Variants in FOXO3 observed in about 807,000 individuals in gnomAD.
FOXO3 encodes forkhead box O3.
FOXO3 carries 4 observed loss-of-function variants against 41.9 expected under a neutral mutation model. The ratio of observed to expected loss-of-function variants is 0.10; its 90% CI spans 0.05 to 0.22. The LOEUF (loss-of-function observed/expected upper bound fraction) is 0.22, where lower values mean the gene tolerates loss of function less well. Ranked by LOEUF, FOXO3 falls within the 10% of genes least tolerant of loss-of-function variation. The pLI, the probability that FOXO3 is intolerant of heterozygous loss-of-function variation, is 1.00. For missense variants in FOXO3, 534 were observed against 906.8 expected (o/e 0.59, Z 5.28); for synonymous variants, 318 against 389.3 (o/e 0.82, Z 2.16).
chr6:108,654,307 A>G (rs946582770), intron 1 of FOXO3, among the ~76,000 whole-genome samples: 1 of 152,208 alleles, frequency 6.6e-6, no homozygotes, highest in Non-Finnish European at 1.5e-5. Flanking sequence ...AAAAGAAAAA[A>G]TAATAATAAT....
chr6:108,608,969 G>A (rs185839346), intron 1 of FOXO3, among the ~76,000 whole-genome samples: 36 of 152,268 alleles, frequency 2.4e-4, no homozygotes, highest in Non-Finnish European at 3.8e-4. Context: ...TTTTGTTAAC[G>A]CTGAGGTTGC....
chr6:108,598,411 A>G (rs1776948289), intron 1 of FOXO3, among the ~76,000 whole-genome samples: 3 of 152,148 alleles, frequency 2.0e-5, no homozygotes, highest in African/African-American at 4.8e-5. Context: ...GGGATTACCA[A>G]GCAGTTGCTG....
At position 108,561,151 on chromosome 6, in the gene FOXO3, C is replaced by A. The variant is rs1474880874; in HGVS notation, c.-58C>A. Reference sequence around the variant, plus strand: ...TCCACGTCCCTCCCCCGCTGCACCCCGCCCCGGCGCGAGAGGAGAGCGCGA... The same window carrying A: ...TCCACGTCCCTCCCCCGCTGCACCCAGCCCCGGCGCGAGAGGAGAGCGCGA... On this transcript the variant is annotated 5_prime_UTR_variant, in exon 1 of 3. Coordinates refer to ENST00000406360, the MANE Select transcript of FOXO3 (RefSeq NM_001455.4). 1.1e-5 allele frequency: 17 copies of A among 1,493,746 alleles called. No homozygotes were observed. Among genetic ancestry groups the A allele is most frequent in the Non-Finnish European group, 1.5e-5 (17 of 1,126,986 alleles). The allele number at this position is 1,493,746 out of a possible 1,614,324, so 92.5% of individuals were successfully genotyped here. A position where few individuals can be genotyped will look rare whatever the true frequency, so the allele number is the denominator to read the frequency against.
intron 2 of FOXO3, among the ~76,000 whole-genome samples, chr6:108,679,531 C>A (rs559527344): frequency 6.6e-6 from 1 of 152,252 alleles, no homozygotes; most frequent in Non-Finnish European, 1.5e-5. Context: ...CACCAAAACA[C>A]CCCTAATATG....
At chr6:108,605,058 GAGATAAATGA>G (rs368266667) in intron 1 of FOXO3, among the ~76,000 whole-genome samples, 44 of 152,136 alleles carry the variant, frequency 2.9e-4, no homozygotes, top group African/African-American at 1.0e-3. Context: ...CTTTTTAGTT[GAGATAAATGA>G]AGTTCATAGT....
intron 1 of FOXO3, among the ~76,000 whole-genome samples, chr6:108,568,934 A>G (rs1303599495): frequency 6.6e-6 from 1 of 152,234 alleles, no homozygotes; most frequent in Non-Finnish European, 1.5e-5. Context: ...TTGTTGCATT[A>G]AGAGAAAAAG....
chr6:108,607,679 C>T (rs1382664379), intron 1 of FOXO3, among the ~76,000 whole-genome samples: 1 of 152,068 alleles, frequency 6.6e-6, no homozygotes, highest in Non-Finnish European at 1.5e-5. Context: ...ATTTTTCTGC[C>T]AGCTGACATG....
chr6:108,639,800 C>T (rs4946931), intron 1 of FOXO3, among the ~76,000 whole-genome samples: 152,372 of 152,378 alleles, frequency 1, 76,183 homozygotes, highest in Middle Eastern at 1. Context: ...ATTGTGGTTT[C>T]GGCTGGTCCT....
chr6:108,568,743 C>T (rs764123742), intron 1 of FOXO3, among the ~76,000 whole-genome samples: 10 of 152,140 alleles, frequency 6.6e-5, no homozygotes, highest in Admixed American at 1.3e-4. Context: ...CTGAAGGTGG[C>T]ATCAGCTTTA....
chr6:108,635,648 A>G (rs1478802217), intron 1 of FOXO3, among the ~76,000 whole-genome samples: 1 of 152,150 alleles, frequency 6.6e-6, no homozygotes, highest in East Asian at 1.9e-4. Flanking sequence ...TCTGCTAGAG[A>G]GGCACATCCT....
At chr6:108,643,244 T>C (rs924785502) in intron 1 of FOXO3, among the ~76,000 whole-genome samples, 2 of 152,244 alleles carry the variant, frequency 1.3e-5, no homozygotes, top group African/African-American at 2.4e-5. Context: ...GTAATTTTAC[T>C]GTGTAAACAA....
intron 1 of FOXO3, among the ~76,000 whole-genome samples, chr6:108,615,491 T>C (rs1022157637): frequency 2.0e-5 from 3 of 152,046 alleles, no homozygotes; most frequent in African/African-American, 7.2e-5. Flanking sequence ...TTTTTTCTTC[T>C]GCCGCTTTTA....
At chr6:108,651,623 A>C (rs1327599184) in intron 1 of FOXO3, among the ~76,000 whole-genome samples, 1 of 152,222 alleles carries the variant, frequency 6.6e-6, no homozygotes, top group Non-Finnish European at 1.5e-5. Context: ...AAGGGATTGT[A>C]AACTAAGAAC....
intron 2 of FOXO3, among the ~76,000 whole-genome samples, chr6:108,676,438 TGC>T (rs1402683301): frequency 6.6e-6 from 1 of 152,170 alleles, no homozygotes; most frequent in Non-Finnish European, 1.5e-5. Flanking sequence ...GACGGGGTTT[TGC>T]CATGTTGCCC....
intron 1 of FOXO3, among the ~76,000 whole-genome samples, chr6:108,562,114 T>C (rs1374867599): frequency 1.3e-5 from 2 of 151,582 alleles, no homozygotes; most frequent in Non-Finnish European, 2.9e-5. Flanking sequence ...AGGAGTACAT[T>C]TGCTGGATTC....
intron 1 of FOXO3, among the ~76,000 whole-genome samples, chr6:108,611,001 A>ATG: frequency 6.6e-6 from 1 of 152,150 alleles, no homozygotes; most frequent in Non-Finnish European, 1.5e-5. Flanking sequence ...AAATTCCCTC[A>ATG]TGGCTTATTT....
chr6:108,656,548 C>T (rs1778694432), intron 1 of FOXO3: 3 of 980,092 alleles, frequency 3.1e-6, no homozygotes, highest in Non-Finnish European at 3.6e-6. Flanking sequence ...AGTAAGTTAA[C>T]ATTTATGATG....
At chr6:108,560,735 G>T (rs536578451), upstream of FOXO3, 307 of 225,220 alleles carry the variant, frequency 1.4e-3, 1 homozygote, top group African/African-American at 6.4e-3. Flanking sequence ...GCTCGGCTGC[G>T]CCAGCTCCGG....
chr6:108,565,993 C>T (rs1775937723), intron 1 of FOXO3, among the ~76,000 whole-genome samples: 1 of 152,186 alleles, frequency 6.6e-6, no homozygotes, highest in Non-Finnish European at 1.5e-5. Flanking sequence ...AATCTGTCTG[C>T]TTGGCCCGTG....
Sources: allele counts gnomAD v4.1 joint callset (sites outside exome capture counted in the v4.1 genomes callset), GRCh38; gene constraint gnomAD v4.1.1; transcripts MANE v1.5; gene names NCBI Gene and HGNC (gene_info 2026-07-23, HGNC 2026-07-21).